PHKB: variants seen among roughly 807,000 people sequenced by gnomAD.
PHKB encodes phosphorylase kinase regulatory subunit beta.
In PHKB, 122 loss-of-function variants were observed where a neutral mutation model predicts 152.1. The observed-to-expected ratio is 0.80, with a 90% CI of 0.69 to 0.93. The LOEUF (loss-of-function observed/expected upper bound fraction) is 0.93, where lower values mean the gene tolerates loss of function less well. PHKB is among the 40% of genes least tolerant of loss of function. The pLI is 0.00. For synonymous variants in PHKB, 436 were observed against 464.9 expected (o/e 0.94, Z 0.80); for missense variants, 1,304 against 1,328.4 (o/e 0.98, Z 0.29).
In PHKB at chr16:47,699,564, G is replaced by A. The variant is rs1567362591; in HGVS notation, c.*198G>A. 2 of 644,550 alleles carry A rather than the reference G, an allele frequency of 3.1e-6. No homozygotes were observed. Among genetic ancestry groups the A allele is most frequent in the Middle Eastern group, 3.8e-4 (1 of 2,644 alleles). The allele number at this position is 644,550 out of a possible 1,614,324, so 39.9% of individuals were successfully genotyped here. ...AATGGTAAATGCTTTTAATCAAGCA[G>A]GAAAAAGTTCTCATGATTATGCCAA... On this transcript the variant is annotated 3_prime_UTR_variant, in exon 31 of 31. Coordinates refer to ENST00000323584, the MANE Select transcript of PHKB (RefSeq NM_000293.3).
chr16:47,622,483 G>A (rs773081449), intron 14 of PHKB, among the ~76,000 whole-genome samples: 2 of 152,246 alleles, frequency 1.3e-5, no homozygotes, highest in Non-Finnish European at 2.9e-5. Context: ...TTGCTGTCAT[G>A]CAGGTGAATA....
chr16:47,650,920 A>G lies in PHKB; in HGVS notation c.1970A>G (p.Gln657Arg). ...GGVKVHVDRL[Q>R]TLISGAVVEQ... ...GTCAAAGTTCATGTGGATCGTCTAC[A>G]GGTAGCCTTCTGATTTTCAGTATGC... is the stretch of plus-strand genomic sequence containing the variant. Residue 657 changes from glutamine to arginine, a missense_variant and splice_region_variant, in exon 20 of 31, where the codon CAG (glutamine) becomes CGG (arginine). Transcript: ENST00000323584. 1 of 1,605,232 alleles carries G rather than the reference A, an allele frequency of 6.2e-7. No individual in the cohort carries two copies. Among genetic ancestry groups the G allele is most frequent in the Non-Finnish European group, 8.5e-7 (1 of 1,171,812 alleles).
chr16:47,594,570 C>T (rs534732043), intron 12 of PHKB, among the ~76,000 whole-genome samples: 203 of 152,286 alleles, frequency 1.3e-3, no homozygotes, highest in Non-Finnish European at 2.5e-3. Flanking sequence ...AGAGGTTCTG[C>T]TCTTGTCTAA....
intron 14 of PHKB, among the ~76,000 whole-genome samples, chr16:47,615,298 G>T (rs1348210364): frequency 6.6e-6 from 1 of 152,130 alleles, no homozygotes. Flanking sequence ...ACTGCCCAAG[G>T]GTACCTGAGT....
chr16:47,693,514 C>A lies in PHKB; in HGVS notation c.2895+7C>A. On this transcript the variant is annotated splice_region_variant and intron_variant, in intron 28 of 30. Coordinates refer to ENST00000323584, the MANE Select transcript of PHKB (RefSeq NM_000293.3). ...TGGGAAGCATTTGCCTCAGGTAAAG[C>A]CCCACCATGTTCACATAAAGAAAGG... is the stretch of plus-strand genomic sequence containing the variant. 2.5e-6 allele frequency: 4 copies of A among 1,613,828 alleles called. No homozygotes were observed. Among genetic ancestry groups the A allele is most frequent in the Non-Finnish European group, 3.4e-6 (4 of 1,179,892 alleles).
intron 1 of PHKB, among the ~76,000 whole-genome samples, chr16:47,482,926 G>A (rs973829659): frequency 6.6e-6 from 1 of 151,568 alleles, no homozygotes; most frequent in Non-Finnish European, 1.5e-5. Flanking sequence ...TTGCCATGTT[G>A]TCCAGGCTGG....
intron 25 of PHKB, 51 bp from the exon 26 acceptor site, chr16:47,669,164 T>G: frequency 7.0e-7 from 1 of 1,438,398 alleles, no homozygotes; most frequent in Non-Finnish European, 9.8e-7. Context: ...TTTTTAATTT[T>G]TATCTTTTAG....
intron 7 of PHKB, among the ~76,000 whole-genome samples, chr16:47,549,635 C>A (rs528406062): frequency 6.6e-6 from 1 of 151,952 alleles, no homozygotes; most frequent in South Asian, 2.1e-4. Context: ...GTGGAGGTTG[C>A]AGTGAGCCGA....
chr16:47,573,152 A>G (rs1051714884), intron 7 of PHKB, among the ~76,000 whole-genome samples: 1 of 152,186 alleles, frequency 6.6e-6, no homozygotes, highest in African/African-American at 2.4e-5. Flanking sequence ...TCAGAGGAGC[A>G]GTAGGATTCA....
intron 1 of PHKB, among the ~76,000 whole-genome samples, chr16:47,476,355 C>T (rs953745496): frequency 1.4e-4 from 21 of 152,078 alleles, no homozygotes; most frequent in African/African-American, 5.1e-4. Context: ...TGTGCCCATT[C>T]AGAGATCCTC....
intron 8 of PHKB, among the ~76,000 whole-genome samples, chr16:47,586,386 T>A (rs867959436): frequency 1.3e-5 from 2 of 152,236 alleles, no homozygotes; most frequent in African/African-American, 2.4e-5. Context: ...AAGGACAGTT[T>A]ACCATTCATC....
At chr16:47,601,019 A>G (rs951269033) in intron 13 of PHKB, among the ~76,000 whole-genome samples, 1 of 152,082 alleles carries the variant, frequency 6.6e-6, no homozygotes. Context: ...CTTAGTAGAG[A>G]TGGGGTTTCA....
At chr16:47,637,548 G>C (rs1280326557) in intron 14 of PHKB, among the ~76,000 whole-genome samples, 5 of 152,166 alleles carry the variant, frequency 3.3e-5, no homozygotes, top group African/African-American at 1.2e-4. Context: ...ATGACACTTA[G>C]AGATAATAGC....
At chr16:47,683,841 A>G (rs569917715) in intron 26 of PHKB, among the ~76,000 whole-genome samples, 109 of 152,228 alleles carry the variant, frequency 7.2e-4, no homozygotes, top group Non-Finnish European at 1.4e-3. Flanking sequence ...GAAATCACCC[A>G]TCTTCTGCAT....
At chr16:47,593,751 T>C (rs1464143282) in intron 11 of PHKB, among the ~76,000 whole-genome samples, 194 bp downstream of exon 11, 5 of 152,164 alleles carry the variant, frequency 3.3e-5, no homozygotes, top group Admixed American at 3.3e-4. Flanking sequence ...TGCTAAATCA[T>C]TTAAAGAATT....
chr16:47,551,689 T>G (rs1971273226), intron 7 of PHKB, among the ~76,000 whole-genome samples: 1 of 152,230 alleles, frequency 6.6e-6, no homozygotes, highest in African/African-American at 2.4e-5. Flanking sequence ...ATGTATATTC[T>G]GTTGATTTGG....
At chr16:47,528,610 T>G (rs1337765442) in intron 6 of PHKB, among the ~76,000 whole-genome samples, 2 of 151,838 alleles carry the variant, frequency 1.3e-5, no homozygotes, top group Non-Finnish European at 2.9e-5. Flanking sequence ...AAATGAGTCA[T>G]GGATAAGGTA....
intron 12 of PHKB, among the ~76,000 whole-genome samples, chr16:47,594,808 C>T (rs1420510835): frequency 6.6e-6 from 1 of 152,166 alleles, no homozygotes; most frequent in East Asian, 1.9e-4. Flanking sequence ...TTCTGTATAA[C>T]TGGAAAACCA....
intron 8 of PHKB, among the ~76,000 whole-genome samples, chr16:47,586,321 C>T (rs1468228508): frequency 3.9e-5 from 6 of 152,308 alleles, no homozygotes; most frequent in African/African-American, 7.2e-5. Flanking sequence ...ACCTTGCCAG[C>T]GGCAGCTGCT....
Sources: gnomAD v4.1 joint callset for allele counts (sites outside exome capture counted in the v4.1 genomes callset) on GRCh38, gnomAD v4.1.1 for gene constraint, MANE v1.5 for transcripts, NCBI Gene and HGNC (gene_info 2026-07-23, HGNC 2026-07-21) for gene names.